The following SLC30A8 variants were observed in gnomAD, a reference collection of about 807,000 sequenced individuals.
SLC30A8 encodes the protein solute carrier family 30 member 8.
SLC30A8 carries 27 observed loss-of-function variants against 36.9 expected under a neutral mutation model. The ratio of observed to expected loss-of-function variants is 0.73; its 90% CI spans 0.54 to 1.01. The LOEUF (loss-of-function observed/expected upper bound fraction) is 1.01, where lower values mean the gene tolerates loss of function less well. SLC30A8 is among the 50% of genes least tolerant of loss of function. The probability of loss-of-function intolerance (pLI) is 0.00; values close to 1 mark genes in which losing one functional copy is unlikely to be tolerated. For missense variants in SLC30A8, 439 were observed against 452.0 expected, an observed-to-expected ratio of 0.97 and a Z score of 0.26; for synonymous variants, 164 against 172.4, an observed-to-expected ratio of 0.95 and a Z score of 0.38.
chr8:117,082,748 A>G (rs1338959486), intron 2 of SLC30A8, among the ~76,000 whole-genome samples: 3 of 152,198 alleles, frequency 2.0e-5, no homozygotes, highest in Non-Finnish European at 4.4e-5. Flanking sequence ...TCAGGACTAG[A>G]GAACGAGCCT....
intron 1 of SLC30A8, among the ~76,000 whole-genome samples, chr8:116,977,252 C>T (rs1176916447): frequency 7.2e-6 from 1 of 138,640 alleles, no homozygotes; most frequent in Non-Finnish European, 1.6e-5. Context: ...GGGTTCACGC[C>T]ATTCTCCTGC....
intron 1 of SLC30A8, among the ~76,000 whole-genome samples, chr8:117,022,755 A>C (rs1816743047): frequency 6.6e-6 from 1 of 152,236 alleles, no homozygotes; most frequent in African/African-American, 2.4e-5. Flanking sequence ...TAAATGTTAG[A>C]CCTAAAACCA....
intron 2 of SLC30A8, among the ~76,000 whole-genome samples, chr8:117,041,945 A>G (rs1253561194): frequency 6.6e-6 from 1 of 152,224 alleles, no homozygotes; most frequent in Non-Finnish European, 1.5e-5. Context: ...TTCCCAATGA[A>G]TAGTTCTACG....
chr8:117,097,417 AAAT>A lies in SLC30A8; in HGVS notation c.-225-37861_-225-37859del, dbSNP rs1482922909. Among the ~76,000 whole-genome samples the A allele has an allele frequency of 2.9e-3, 280 of 96,728 alleles. 10 individuals carry two copies. The highest frequency in any genetic ancestry group is 9.1e-3 in the African/African-American group (225 of 24,610). The allele number at this position is 96,728 out of a possible 152,430, so 63.5% of individuals were successfully genotyped here. ...ATCTCAAAAAAAAAAAAAAAAAAAA[AAAT>A]ATATATAAATATATATAATTATATA... On this transcript the variant is annotated intron_variant, in intron 2 of 10. Transcript: ENST00000427715.
At chr8:116,977,239 C>T (rs1302810605) in intron 1 of SLC30A8, among the ~76,000 whole-genome samples, 1 of 141,052 alleles carries the variant, frequency 7.1e-6, no homozygotes, top group Non-Finnish European at 1.5e-5. Context: ...AGCTCCGCCT[C>T]CTGGGTTCAC....
At chr8:117,144,909 C>A (rs1821831952) in intron 1 of SLC30A8, among the ~76,000 whole-genome samples, 1 of 152,150 alleles carries the variant, frequency 6.6e-6, no homozygotes, top group Non-Finnish European at 1.5e-5. Context: ...CCATATTCCC[C>A]TGGCTATAGT....
At chr8:117,054,078 AC>A (rs1817791220) in intron 2 of SLC30A8, among the ~76,000 whole-genome samples, 1 of 150,854 alleles carries the variant, frequency 6.6e-6, no homozygotes, top group Non-Finnish European at 1.5e-5. Flanking sequence ...CTGAACATAC[AC>A]TAAATGTACT....
Position 117,172,648 on chromosome 8 carries a change from C to T in SLC30A8, c.1077C>T (p.Pro359=), listed in dbSNP as rs149843171. The T allele has an allele frequency of 3.4e-5, 55 of 1,613,582 alleles. No individual in the cohort carries two copies. In the African/African-American group the frequency reaches 5.6e-4, roughly 16 times the overall value. ...IQMESPVDQD[P]DCLFCEDPCD is the part of the protein sequence containing the mutation. ...TGGAATCTCCAGTTGACCAGGACCC[C>T]GACTGCCTTTTCTGTGAAGACCCCT... Residue 359 remains proline, a synonymous_variant, in exon 8 of 8, where the codon CCC becomes CCT. Transcript: ENST00000456015.
intron 1 of SLC30A8, among the ~76,000 whole-genome samples, chr8:116,980,863 GAC>G (rs1382127817): frequency 6.6e-6 from 1 of 152,124 alleles, no homozygotes; most frequent in East Asian, 1.9e-4. Context: ...TTATTATAAA[GAC>G]ACTATCATTT....
chr8:117,020,422 G>A (rs1008744952), intron 1 of SLC30A8, among the ~76,000 whole-genome samples: 3 of 152,118 alleles, frequency 2.0e-5, no homozygotes, highest in Admixed American at 6.6e-5. Context: ...TCACTGTGTT[G>A]GTGAAAATGT....
At chr8:117,062,333 T>C (rs1818043357) in intron 2 of SLC30A8, among the ~76,000 whole-genome samples, 1 of 152,176 alleles carries the variant, frequency 6.6e-6, no homozygotes, top group African/African-American at 2.4e-5. Context: ...CTGCAGGCTG[T>C]CCATGCGTGG....
intron 7 of SLC30A8, 137 bp from the exon 8 acceptor site, chr8:117,172,399 C>T: frequency 9.5e-7 from 1 of 1,054,644 alleles, no homozygotes; most frequent in Non-Finnish European, 1.4e-6. Context: ...ATTATCAGAG[C>T]AAACGTGGCT....
At chr8:117,105,122 C>T (rs1299117455) in intron 2 of SLC30A8, among the ~76,000 whole-genome samples, 1 of 152,126 alleles carries the variant, frequency 6.6e-6, no homozygotes, top group Non-Finnish European at 1.5e-5. Context: ...GTGCCAACCT[C>T]CTGTCTCATT....
At chr8:116,964,126 A>G (rs1814520889) in intron 1 of SLC30A8, among the ~76,000 whole-genome samples, 1 of 152,248 alleles carries the variant, frequency 6.6e-6, no homozygotes, top group Admixed American at 6.5e-5. Context: ...TTACAATCTT[A>G]TAAGACCTGA....
chr8:117,100,498 C>T (rs556196500), intron 2 of SLC30A8, among the ~76,000 whole-genome samples: 4 of 152,288 alleles, frequency 2.6e-5, no homozygotes, highest in South Asian at 2.1e-4. Flanking sequence ...TGCTTTCCCC[C>T]GCTGTACAAC....
intron 3 of SLC30A8, among the ~76,000 whole-genome samples, chr8:117,154,908 A>G (rs1322143903): frequency 2.6e-5 from 4 of 152,262 alleles, no homozygotes; most frequent in African/African-American, 7.2e-5. Context: ...ATATTCTGTA[A>G]TATACAGTAA....
intron 2 of SLC30A8, among the ~76,000 whole-genome samples, chr8:117,101,222 A>G (rs1819704104): frequency 6.6e-6 from 1 of 152,156 alleles, no homozygotes; most frequent in South Asian, 2.1e-4. Flanking sequence ...CCTCCCAGTA[A>G]AGACAAGTGC....
At chr8:116,965,817 G>GT (rs1814581005) in intron 1 of SLC30A8, among the ~76,000 whole-genome samples, 1 of 151,240 alleles carries the variant, frequency 6.6e-6, no homozygotes, top group Non-Finnish European at 1.5e-5. Flanking sequence ...ACATTAACCT[G>GT]TTTTTTTGCT....
At chr8:117,031,942 C>T (rs1817064839) in intron 1 of SLC30A8, among the ~76,000 whole-genome samples, 1 of 152,144 alleles carries the variant, frequency 6.6e-6, no homozygotes, top group African/African-American at 2.4e-5. Flanking sequence ...TCATTTCTGG[C>T]TGGTAAGATA....
Sources: gnomAD v4.1 joint callset for allele counts (sites outside exome capture counted in the v4.1 genomes callset) on GRCh38, gnomAD v4.1.1 for gene constraint, MANE v1.5 for transcripts, NCBI Gene and HGNC (gene_info 2026-07-23, HGNC 2026-07-21) for gene names.